The following NCAM1 variants were observed in gnomAD, a reference collection of about 807,000 sequenced individuals.
NCAM1 encodes the protein antigen recognized by monoclonal antibody 5.1H11.
In NCAM1, 14 loss-of-function variants were observed where a neutral mutation model predicts 109.8. That is an observed-to-expected ratio of 0.13 (90% CI 0.08 to 0.20). The LOEUF (loss-of-function observed/expected upper bound fraction) is 0.20. Ranked by LOEUF, NCAM1 falls within the 10% of genes least tolerant of loss-of-function variation. The pLI is 1.00. For missense variants in NCAM1, 774 were observed against 1,109.9 expected, an observed-to-expected ratio of 0.70 and a Z score of 4.30; for synonymous variants, 418 against 442.9, an observed-to-expected ratio of 0.94 and a Z score of 0.70.
Position 112,961,589 on chromosome 11 carries a change from A to G in NCAM1, c.-24A>G. ...GCACAGAATTTACCGCGGCAAGAAC[A>G]TCCCTCCCAGCCAGCAGATTACAAT... On this transcript the variant is annotated 5_prime_UTR_variant, in exon 1 of 20. Transcript: ENST00000316851. 1 of 1,433,522 alleles carries G rather than the reference A, an allele frequency of 7.0e-7. No individual in the cohort carries two copies. The highest frequency in any genetic ancestry group is 9.8e-7 in the Non-Finnish European group (1 of 1,017,982). 88.8% of individuals were successfully genotyped at this position (1,433,522 alleles called of 1,614,324 possible).
chr11:113,188,834 A>AGTGT lies in NCAM1; in HGVS notation c.53-13532_53-13529dup, dbSNP rs144748025. On this transcript the variant is annotated intron_variant, in intron 1 of 19. Coordinates refer to ENST00000316851, the MANE Select transcript of NCAM1 (RefSeq NM_181351.5). ...GGTGGTGTGTGTGTGTGTGAGTGTG[A>AGTGT]GTGTGTGTGTGTGTGTCTCCCTGTG... 1.9e-4 allele frequency among the ~76,000 whole-genome samples: 28 copies of AGTGT among 150,594 alleles called. 1 individual carries two copies. Among genetic ancestry groups the AGTGT allele is most frequent in the African/African-American group, 6.8e-4 (28 of 41,016 alleles).
At chr11:113,194,970 G>A (rs998853054) in intron 1 of NCAM1, among the ~76,000 whole-genome samples, 11 of 152,356 alleles carry the variant, frequency 7.2e-5, no homozygotes, top group African/African-American at 2.4e-4. Context: ...GCTGATGGAA[G>A]GACTGGCAGT....
chr11:113,001,301 A>G (rs1177999313), intron 1 of NCAM1, among the ~76,000 whole-genome samples: 1 of 152,140 alleles, frequency 6.6e-6, no homozygotes, highest in Non-Finnish European at 1.5e-5. Context: ...TTATTATTGA[A>G]ATGCTTGCCC....
At chr11:113,193,681 CAGAGAAAG>C (rs1555110278) in intron 1 of NCAM1, among the ~76,000 whole-genome samples, 3 of 151,430 alleles carry the variant, frequency 2.0e-5, no homozygotes, top group African/African-American at 4.9e-5. Flanking sequence ...AAGAGAGAAA[CAGAGAAAG>C]AGAGAAAGAG....
intron 1 of NCAM1, among the ~76,000 whole-genome samples, chr11:113,023,738 T>C (rs1480266789): frequency 6.6e-6 from 1 of 152,188 alleles, no homozygotes; most frequent in Non-Finnish European, 1.5e-5. Flanking sequence ...AGGAACTTTG[T>C]CGGTTTTCTT....
intron 1 of NCAM1, among the ~76,000 whole-genome samples, chr11:113,052,491 G>C (rs745603992): frequency 6.6e-6 from 1 of 152,000 alleles, no homozygotes; most frequent in Non-Finnish European, 1.5e-5. Context: ...TTTCACATGG[G>C]ACTCAAGGTA....
rs117094118 is a variant in NCAM1 at position 113,235,393 on chromosome 11, C to T, written c.1825+229C>T. Reference sequence around the variant, plus strand: ...GGGTTGGGGACACTGTCCTAGTAGCCGGTCCAGCTTGTTAGAATAACAGTG... The same window carrying T: ...GGGTTGGGGACACTGTCCTAGTAGCTGGTCCAGCTTGTTAGAATAACAGTG... On this transcript the variant is annotated intron_variant, in intron 14 of 19. Coordinates refer to ENST00000316851, the MANE Select transcript of NCAM1 (RefSeq NM_181351.5). The T allele has an allele frequency of 2.2e-3, 1,986 of 913,692 alleles. 6 individuals carry two copies. Among genetic ancestry groups the T allele is most frequent in the African/African-American group, 0.011 (646 of 61,464 alleles). 56.6% of individuals were successfully genotyped at this position (913,692 alleles called of 1,614,324 possible).
At chr11:113,245,058 A>G (rs1217714439) in intron 14 of NCAM1, among the ~76,000 whole-genome samples, 2 of 152,154 alleles carry the variant, frequency 1.3e-5, no homozygotes, top group Admixed American at 1.3e-4. Flanking sequence ...CTCAGTCACA[A>G]CATAGGACCA....
rs138172148 is a variant in NCAM1, at chr11:113,264,365, C to A, written c.2131+4042C>A. 3.5e-5 allele frequency: 34 copies of A among 985,430 alleles called. No individual in the cohort carries two copies. The South Asian group carries it at 1.4e-3, about 39-fold the overall frequency. The allele number at this position is 985,430 out of a possible 1,614,324, so 61.0% of individuals were successfully genotyped here. A position where few individuals can be genotyped will look rare whatever the true frequency, so the allele number is the denominator to read the frequency against. On this transcript the variant is annotated intron_variant, in intron 17 of 19. Coordinates refer to ENST00000316851, the MANE Select transcript of NCAM1 (RefSeq NM_181351.5). Reference sequence around the variant, plus strand: ...GTTGGCGCTCGCCATTAATCCCCAGCGCTCAGTTTAGAGGCTCACGTGCAG... The same window carrying A: ...GTTGGCGCTCGCCATTAATCCCCAGAGCTCAGTTTAGAGGCTCACGTGCAG...
intron 1 of NCAM1, among the ~76,000 whole-genome samples, chr11:113,054,491 A>G (rs535470471): frequency 5.1e-4 from 77 of 152,198 alleles, no homozygotes; most frequent in Non-Finnish European, 1.1e-3. Flanking sequence ...ATTGAATTTC[A>G]TTGGGTAGTC....
At chr11:113,200,071 CT>C (rs1944004111) in intron 1 of NCAM1, among the ~76,000 whole-genome samples, 1 of 152,130 alleles carries the variant, frequency 6.6e-6, no homozygotes. Flanking sequence ...TAAGAATATC[CT>C]TCTCAAAGCA....
chr11:113,266,046 A>G (rs2137722538), intron 17 of NCAM1, among the ~76,000 whole-genome samples: 1 of 152,306 alleles, frequency 6.6e-6, no homozygotes, highest in African/African-American at 2.4e-5. Flanking sequence ...TCTTCCCCAG[A>G]AGCCTTCTTT....
chr11:112,973,123 T>C (rs1555067110), intron 1 of NCAM1, among the ~76,000 whole-genome samples: 1 of 152,196 alleles, frequency 6.6e-6, no homozygotes, highest in Non-Finnish European at 1.5e-5. Context: ...CATTTATTTC[T>C]AGACCTTTAA....
intron 1 of NCAM1, among the ~76,000 whole-genome samples, chr11:112,974,022 A>G (rs1211175729): frequency 2.0e-5 from 3 of 152,112 alleles, no homozygotes; most frequent in Admixed American, 6.5e-5. Context: ...TCAATTCACT[A>G]TAATGGTTGA....
At position 113,083,088 on chromosome 11, in the gene NCAM1, T is replaced by C. The variant is rs113361240; in HGVS notation, c.53-119291T>C. Among the ~76,000 whole-genome samples, 1,461 of 151,656 alleles carry C rather than the reference T, an allele frequency of 9.6e-3. 24 individuals are homozygous for C. The highest frequency in any genetic ancestry group is 0.034 in the African/African-American group (1,394 of 41,300). On this transcript the variant is annotated intron_variant, in intron 1 of 19. Transcript: ENST00000316851. ...TTTTCTTGAGGGAAGACAAATTCCATAGGGCAAATTGTTAGACCAGTTATT... is the reference window on the plus strand; with the variant it reads ...TTTTCTTGAGGGAAGACAAATTCCACAGGGCAAATTGTTAGACCAGTTATT...
At chr11:113,030,898 T>G (rs1356039880) in intron 1 of NCAM1, among the ~76,000 whole-genome samples, 1 of 152,204 alleles carries the variant, frequency 6.6e-6, no homozygotes, top group African/African-American at 2.4e-5. Context: ...ATAGCTAATT[T>G]TTTTATCCCC....
intron 9 of NCAM1, among the ~76,000 whole-genome samples, chr11:113,227,548 T>C (rs1185695757): frequency 7.2e-5 from 11 of 152,072 alleles, no homozygotes; most frequent in African/African-American, 1.9e-4. Context: ...TTCCAATCAA[T>C]AGAAAAAGAG....
intron 14 of NCAM1, among the ~76,000 whole-genome samples, chr11:113,245,130 T>C (rs1555119916): frequency 3.3e-5 from 5 of 152,004 alleles, no homozygotes; most frequent in Admixed American, 1.3e-4. Flanking sequence ...TTATGACTTA[T>C]CAGTGCAACC....
intron 14 of NCAM1, chr11:113,242,761 T>A (rs1945369790): frequency 6.4e-7 from 1 of 1,555,724 alleles, no homozygotes; most frequent in South Asian, 1.1e-5. Context: ...CTCCATTCTC[T>A]CCTTCACCTT....
Sources: allele counts gnomAD v4.1 joint callset (sites outside exome capture counted in the v4.1 genomes callset), GRCh38; gene constraint gnomAD v4.1.1; transcripts MANE v1.5; gene names NCBI Gene and HGNC (gene_info 2026-07-23, HGNC 2026-07-21).